Variants in DNAH11 observed in about 807,000 individuals in gnomAD.
DNAH11 encodes the protein dynein axonemal heavy chain 11.
DNAH11 carries 442 observed loss-of-function variants against 526.0 expected under a neutral mutation model. The ratio of observed to expected loss-of-function variants is 0.84; its 90% CI spans 0.78 to 0.91. The LOEUF (loss-of-function observed/expected upper bound fraction) is 0.91. DNAH11 is among the 40% of genes least tolerant of loss of function. DNAH11 has a pLI of 0.00. For missense variants in DNAH11, 6,989 were observed against 5,448.7 expected, an observed-to-expected ratio of 1.28 and a Z score of -8.90; for synonymous variants, 2,461 against 1,935.9, an observed-to-expected ratio of 1.27 and a Z score of -7.12.
chr7:21,739,725 T>C (rs1785790981), intron 48 of DNAH11, 52 bp downstream of exon 48: 12 of 1,385,636 alleles, frequency 8.7e-6, no homozygotes, highest in Non-Finnish European at 1.2e-5. Context: ...TTGTATTGTT[T>C]TCGAGTACAG....
At chr7:21,770,260 T>A (rs1360492050) in intron 55 of DNAH11, among the ~76,000 whole-genome samples, 1 of 152,182 alleles carries the variant, frequency 6.6e-6, no homozygotes, top group African/African-American at 2.4e-5. Context: ...ATCATGGGGA[T>A]GGGACCCAAA....
Position 21,689,602 on chromosome 7 carries a change from G to A in DNAH11, c.5925-1163G>A, listed in dbSNP as rs115644980. ...CAGTTATTCTGTGGCAAGAGCCACC[G>A]CTCTGCGTGTGAGCGGCCCTGCCAG... On this transcript the variant is annotated intron_variant, in intron 34 of 81. Coordinates refer to ENST00000409508, the MANE Select transcript of DNAH11 (RefSeq NM_001277115.2). Among the ~76,000 whole-genome samples, 1,151 of 152,346 alleles carry A rather than the reference G, an allele frequency of 7.6e-3. 18 individuals carry two copies. Among genetic ancestry groups the A allele is most frequent in the African/African-American group, 0.026 (1,084 of 41,584 alleles).
At chr7:21,735,961 T>C in intron 46 of DNAH11, 117 bp downstream of exon 46, 1 of 981,742 alleles carries the variant, frequency 1.0e-6, no homozygotes, top group East Asian at 2.5e-5. Flanking sequence ...TGCTTGGGCC[T>C]TAGATGAATT....
In DNAH11 at chr7:21,899,465, T is replaced by TGCAGC. The variant is rs1382924483; in HGVS notation, c.13162+18_13162+22dup. ...TCTTAACTGGTAAGGGCTGACGCAG[T>TGCAGC]GCAGCCCCTGATGCACACAGGACCA... is the stretch of plus-strand genomic sequence containing the variant. On this transcript the variant is annotated intron_variant, in intron 80 of 81. Coordinates refer to ENST00000409508, the MANE Select transcript of DNAH11 (RefSeq NM_001277115.2). 1 of 1,589,388 alleles carries TGCAGC rather than the reference T, an allele frequency of 6.3e-7. No homozygotes were observed. The highest frequency in any genetic ancestry group is 8.6e-7 in the Non-Finnish European group (1 of 1,159,584).
chr7:21,593,910 C>T (rs1322370431), intron 14 of DNAH11, among the ~76,000 whole-genome samples: 2 of 151,616 alleles, frequency 1.3e-5, no homozygotes, highest in African/African-American at 4.8e-5. Context: ...CACAAAATCT[C>T]TCTCTCTCTA....
chr7:21,801,078 A>G, intron 61 of DNAH11, 59 bp from the exon 62 acceptor site: 2 of 1,532,108 alleles, frequency 1.3e-6, no homozygotes, highest in Non-Finnish European at 1.8e-6. Flanking sequence ...TTTTAAGATG[A>G]TGGTAATCTC....
chr7:21,684,800 A>G (rs1238361050), intron 32 of DNAH11, among the ~76,000 whole-genome samples: 1 of 152,226 alleles, frequency 6.6e-6, no homozygotes, highest in South Asian at 2.1e-4. Flanking sequence ...TATTGCGGAG[A>G]TAAGAATATG....
chr7:21,609,434 G>A (rs771952974), intron 20 of DNAH11, among the ~76,000 whole-genome samples: 9 of 152,098 alleles, frequency 5.9e-5, no homozygotes, highest in Non-Finnish European at 1.3e-4. Context: ...TGGCCAGACT[G>A]TTCTTGAACT....
chr7:21,585,745 C>T (rs745345678), intron 9 of DNAH11, among the ~76,000 whole-genome samples: 11 of 152,070 alleles, frequency 7.2e-5, no homozygotes, highest in South Asian at 2.1e-4. Flanking sequence ...TTGAAAGAGG[C>T]GCACCTAGGA....
At chr7:21,605,442 C>T (rs2128448555) in intron 18 of DNAH11, among the ~76,000 whole-genome samples, 1 of 152,280 alleles carries the variant, frequency 6.6e-6, no homozygotes, top group East Asian at 1.9e-4. Flanking sequence ...TTGCTTTTGT[C>T]CTATTTGCAT....
At position 21,850,042 on chromosome 7, in the gene DNAH11, A is replaced by G. The variant is rs114583850; in HGVS notation, c.10897-2425A>G. On this transcript the variant is annotated intron_variant, in intron 66 of 81. Transcript: ENST00000409508. The stretch of plus-strand genomic sequence containing the variant: ...CATACTGATTCTTGTCACTGTGTCT[A>G]GTTTACTCATGAGCCCGTCAAAAAC... 3.0e-3 allele frequency among the ~76,000 whole-genome samples: 443 copies of G among 149,608 alleles called. 1 individual carries two copies. The highest frequency in any genetic ancestry group is 0.01 in the African/African-American group (421 of 40,636).
At chr7:21,619,047 G>C in intron 23 of DNAH11, 53 bp from the exon 24 acceptor site, 1 of 1,608,214 alleles carries the variant, frequency 6.2e-7, no homozygotes, top group Middle Eastern at 1.7e-4. Flanking sequence ...TTAGGCAAAA[G>C]GAACCGTTCA....
At chr7:21,819,511 T>A (rs1425437482) in intron 65 of DNAH11, among the ~76,000 whole-genome samples, 2 of 152,204 alleles carry the variant, frequency 1.3e-5, no homozygotes, top group Non-Finnish European at 2.9e-5. Context: ...GTCTGATGTG[T>A]TAAAAATATA....
Position 21,750,352 on chromosome 7 carries a change from A to T in DNAH11, c.8928A>T (p.Arg2976=), listed in dbSNP as rs1245859138. The change falls in exon 54 of 82, where the codon CGA becomes CGT. Residue 2976 remains arginine, a synonymous_variant. Coordinates refer to ENST00000409508, the MANE Select transcript of DNAH11 (RefSeq NM_001277115.2). ...NCWKFFMARV[R]LQLKIILCFS... ...GGAAATTCTTTATGGCCAGGGTGCG[A>T]CTACAGCTCAAAGTAAGAAATACTT... The T allele has an allele frequency of 1.2e-6, 2 of 1,603,242 alleles. No individual in the cohort carries two copies. Among genetic ancestry groups the T allele is most frequent in the Non-Finnish European group, 1.7e-6 (2 of 1,174,708 alleles).
chr7:21,802,979 G>A (rs574496014), intron 62 of DNAH11, among the ~76,000 whole-genome samples: 187 of 150,486 alleles, frequency 1.2e-3, no homozygotes, highest in African/African-American at 4.3e-3. Flanking sequence ...AAAAAACACT[G>A]CTGTATATTT....
intron 61 of DNAH11, among the ~76,000 whole-genome samples, chr7:21,789,853 TC>T (rs1788393052): frequency 2.3e-5 from 3 of 128,318 alleles, no homozygotes; most frequent in African/African-American, 8.5e-5. Flanking sequence ...TCTTTCTTTC[TC>T]TCTCCTTCCT....
Position 21,765,465 on chromosome 7 carries a change from G to C in DNAH11, c.8978G>C (p.Arg2993Thr). The change falls in exon 55 of 82, where the codon AGA (arginine) becomes ACA (threonine). Residue 2993 changes from arginine (R) to threonine (T), a missense_variant. Physicochemically the swap from Arg to Thr is moderately conservative, Grantham distance 71. Transcript: ENST00000409508. ...LCFSPVGRTLRVRARKFPAIV... is the reference protein window; with the variant it reads ...LCFSPVGRTLTVRARKFPAIV... Reference sequence around the variant, plus strand: ...TTCTCTCCAGTTGGTCGCACGCTGAGAGTTAGAGCTCGGAAGTTCCCAGCC... The same window carrying C: ...TTCTCTCCAGTTGGTCGCACGCTGACAGTTAGAGCTCGGAAGTTCCCAGCC... The C allele has an allele frequency of 6.2e-7, 1 of 1,613,878 alleles. No individual in the cohort carries two copies. Among genetic ancestry groups the C allele is most frequent in the Non-Finnish European group, 8.5e-7 (1 of 1,179,816 alleles).
At chr7:21,772,309 C>T (rs942907838) in intron 55 of DNAH11, among the ~76,000 whole-genome samples, 2 of 151,180 alleles carry the variant, frequency 1.3e-5, no homozygotes, top group South Asian at 4.2e-4. Context: ...TCATAAGGAT[C>T]ATGGTTGGGC....
At chr7:21,845,811 C>T (rs1432530006) in intron 66 of DNAH11, among the ~76,000 whole-genome samples, 2 of 152,094 alleles carry the variant, frequency 1.3e-5, no homozygotes, top group Non-Finnish European at 2.9e-5. Flanking sequence ...AATGACTTAA[C>T]AATAATGGCT....
Sources: allele counts gnomAD v4.1 joint callset (sites outside exome capture counted in the v4.1 genomes callset), GRCh38; gene constraint gnomAD v4.1.1; transcripts MANE v1.5; gene names NCBI Gene and HGNC (gene_info 2026-07-23, HGNC 2026-07-21).